Variants in MSL2 observed in about 807,000 individuals in gnomAD.
MSL2 encodes E3 ubiquitin-protein ligase MSL2.
MSL2 carries 2 observed loss-of-function variants against 35.8 expected under a neutral mutation model. The observed-to-expected ratio is 0.06, with a 90% CI of 0.02 to 0.18. The LOEUF (loss-of-function observed/expected upper bound fraction) is 0.18, where lower values mean the gene tolerates loss of function less well. Among genes scored for constraint, MSL2 ranks in the 10% least tolerant of loss-of-function variants. MSL2 has a pLI of 1.00. For synonymous variants in MSL2, 296 were observed against 255.7 expected (o/e 1.16, Z -1.50); for missense variants, 523 against 706.7 (o/e 0.74, Z 2.95).
intron 1 of MSL2, among the ~76,000 whole-genome samples, chr3:136,169,116 C>T (rs892188253): frequency 2.0e-5 from 3 of 150,546 alleles, no homozygotes; most frequent in South Asian, 2.1e-4. Flanking sequence ...CACTCTGAAA[C>T]GCTGCAAACA....
At chr3:136,182,031 CAA>C (rs1389686087) in intron 1 of MSL2, among the ~76,000 whole-genome samples, 13 of 151,484 alleles carry the variant, frequency 8.6e-5, no homozygotes, top group African/African-American at 3.1e-4. Context: ...AAAACTTAAA[CAA>C]GATGAAAACA....
chr3:136,149,833 A>AT lies in MSL2; in HGVS notation c.*1313dup, dbSNP rs1939297002. On this transcript the variant is annotated 3_prime_UTR_variant, in exon 2 of 2. Transcript: ENST00000309993. ...ACTAGAGATGGTGAACGTAGTAGAA[A>AT]TTGGAAATTTTCCAGCAGTATTTTT... The AT allele has an allele frequency of 6.6e-6, 1 of 152,324 alleles. No individual in the cohort carries two copies. The highest frequency in any genetic ancestry group is 2.4e-5 in the African/African-American group (1 of 41,456). The allele number at this position is 152,324 out of a possible 1,614,324, so 9.4% of individuals were successfully genotyped here.
intron 1 of MSL2, among the ~76,000 whole-genome samples, chr3:136,171,291 G>C (rs1169258376): frequency 6.6e-6 from 1 of 152,154 alleles, no homozygotes; most frequent in African/African-American, 2.4e-5. Flanking sequence ...ATTATCATTT[G>C]TAAAGGAAGG....
intron 1 of MSL2, chr3:136,155,523 A>C (rs992326375): frequency 5.3e-6 from 1 of 187,838 alleles, no homozygotes; most frequent in Non-Finnish European, 1.1e-5. Flanking sequence ...AAAATAAATA[A>C]ATAAATTTAA....
At chr3:136,193,641 G>C (rs768532108) in intron 1 of MSL2, among the ~76,000 whole-genome samples, 31 of 151,034 alleles carry the variant, frequency 2.1e-4, no homozygotes, top group Non-Finnish European at 4.3e-4. Context: ...CATGAAACCA[G>C]GCAAACTCTT....
intron 1 of MSL2, among the ~76,000 whole-genome samples, chr3:136,191,117 A>G (rs1480302431): frequency 6.6e-6 from 1 of 152,174 alleles, no homozygotes; most frequent in Non-Finnish European, 1.5e-5. Flanking sequence ...AAGGTGGGAT[A>G]TTAAGTACCT....
Position 136,152,029 on chromosome 3 carries a change from C to T in MSL2, c.852G>A (p.Glu284=). The T allele has an allele frequency of 1.2e-6, 2 of 1,614,118 alleles. No homozygotes were observed. Among genetic ancestry groups the T allele is most frequent in the Non-Finnish European group, 1.7e-6 (2 of 1,180,024 alleles). The change falls in exon 2 of 2, where the codon GAG becomes GAA. Residue 284 remains glutamate, a synonymous_variant. Coordinates refer to ENST00000309993, the MANE Select transcript of MSL2 (RefSeq NM_018133.4). The part of the protein sequence containing the change: ...LRSLETVSNT[E]VCCPNLQPNL... ...TCGGCTGCAAATTAGGGCAACAGAC[C>T]TCTGTATTTGAAACAGTTTCTAAGC...
intron 1 of MSL2, among the ~76,000 whole-genome samples, chr3:136,158,999 T>A: frequency 6.6e-6 from 1 of 152,208 alleles, no homozygotes; most frequent in East Asian, 1.9e-4. Flanking sequence ...ACCAATATAT[T>A]GTCAAGATGG....
chr3:136,191,130 T>C (rs1329075755), intron 1 of MSL2, among the ~76,000 whole-genome samples: 2 of 152,164 alleles, frequency 1.3e-5, no homozygotes, highest in Non-Finnish European at 2.9e-5. Context: ...AAGTACCTAA[T>C]ATGTGCCAGA....
In MSL2 at chr3:136,150,574, G is replaced by C. The variant is rs539111197; in HGVS notation, c.*573C>G. ...ATTTCTTAAACATTCTAATGAGGGG[G>C]AATTTTTTTTCATAATACTGCTGAT... On this transcript the variant is annotated 3_prime_UTR_variant, in exon 2 of 2. Coordinates refer to ENST00000309993, the MANE Select transcript of MSL2 (RefSeq NM_018133.4). 1.3e-5 allele frequency: 2 copies of C among 152,550 alleles called. No individual in the cohort carries two copies. The highest frequency in any genetic ancestry group is 4.8e-5 in the African/African-American group (2 of 41,402). 9.4% of individuals were successfully genotyped at this position (152,550 alleles called of 1,614,324 possible).
At position 136,196,179 on chromosome 3, in the gene MSL2, A is replaced by C. The variant is rs560549537; in HGVS notation, c.-1066T>G. 1 of 151,794 alleles carries C rather than the reference A, an allele frequency of 6.6e-6. No homozygotes were observed. Among genetic ancestry groups the C allele is most frequent in the East Asian group, 2.0e-4 (1 of 5,068 alleles). The allele number at this position is 151,794 out of a possible 1,614,324, so 9.4% of individuals were successfully genotyped here. On this transcript the variant is annotated 5_prime_UTR_variant, in exon 1 of 2. Coordinates refer to ENST00000309993, the MANE Select transcript of MSL2 (RefSeq NM_018133.4). ...ACTCCACGCGCCACTCCAGCTCGGT[A>C]GGGCCCGGGCTGCTGCGGCCTTAAT...
chr3:136,168,083 T>G (rs891854074), intron 1 of MSL2, among the ~76,000 whole-genome samples: 1 of 151,958 alleles, frequency 6.6e-6, no homozygotes, highest in Non-Finnish European at 1.5e-5. Flanking sequence ...AAACTCATAA[T>G]AAGTTCTCAA....
intron 1 of MSL2, among the ~76,000 whole-genome samples, chr3:136,180,752 A>AGGGAG (rs1940317562): frequency 1.2e-5 from 1 of 85,912 alleles, no homozygotes; most frequent in African/African-American, 4.7e-5. Flanking sequence ...AGAGGAGGGA[A>AGGGAG]GGAGGGAAGG....
chr3:136,193,660 T>C (rs1940754337), intron 1 of MSL2, among the ~76,000 whole-genome samples: 2 of 151,892 alleles, frequency 1.3e-5, no homozygotes, highest in South Asian at 4.1e-4. Flanking sequence ...TTGATACACT[T>C]ACATTTGTAA....
At chr3:136,191,006 A>G (rs1161707711) in intron 1 of MSL2, among the ~76,000 whole-genome samples, 1 of 152,230 alleles carries the variant, frequency 6.6e-6, no homozygotes, top group African/African-American at 2.4e-5. Context: ...AAGAACAGTA[A>G]TAACAAAACT....
intron 1 of MSL2, among the ~76,000 whole-genome samples, chr3:136,158,595 A>C (rs1206323539): frequency 6.6e-6 from 1 of 152,162 alleles, no homozygotes; most frequent in African/African-American, 2.4e-5. Flanking sequence ...TCAAAATTGT[A>C]CTTGTTCTAG....
chr3:136,176,715 C>G (rs771428967), intron 1 of MSL2, among the ~76,000 whole-genome samples: 1 of 151,990 alleles, frequency 6.6e-6, no homozygotes, highest in Non-Finnish European at 1.5e-5. Context: ...ACCCTTCTCT[C>G]TCTTGCTCCT....
At chr3:136,160,689 A>C (rs1939685077) in intron 1 of MSL2, among the ~76,000 whole-genome samples, 1 of 150,972 alleles carries the variant, frequency 6.6e-6, no homozygotes, top group Non-Finnish European at 1.5e-5. Flanking sequence ...AGCCTGGGAG[A>C]CACAGCAAGC....
intron 1 of MSL2, among the ~76,000 whole-genome samples, chr3:136,188,399 A>C (rs1390542613): frequency 1.3e-5 from 2 of 151,522 alleles, no homozygotes; most frequent in Non-Finnish European, 2.9e-5. Flanking sequence ...GCACCACTGC[A>C]GTCCAGCCTG....
Sources: allele counts gnomAD v4.1 joint callset (sites outside exome capture counted in the v4.1 genomes callset), GRCh38; gene constraint gnomAD v4.1.1; transcripts MANE v1.5; gene names NCBI Gene and HGNC (gene_info 2026-07-23, HGNC 2026-07-21).